The following CC2D2A variants were observed in gnomAD, a reference collection of about 807,000 sequenced individuals.
The protein encoded by CC2D2A is coiled-coil and C2 domain-containing protein 2A.
Under a neutral mutation model 212.9 loss-of-function variants are expected in CC2D2A, and 155 were observed. The ratio of observed to expected loss-of-function variants is 0.73; its 90% confidence interval spans 0.64 to 0.83. The LOEUF (loss-of-function observed/expected upper bound fraction) is 0.83. Among genes scored for constraint, CC2D2A ranks in the 40% least tolerant of loss-of-function variants. The pLI, the probability that CC2D2A is intolerant of heterozygous loss-of-function variation, is 0.00. For missense variants in CC2D2A, 1,856 were observed against 1,956.2 expected (o/e 0.95, Z 0.97); for synonymous variants, 667 against 686.5 (o/e 0.97, Z 0.44).
At chr4:15,529,176 G>A (rs185872849) in intron 13 of CC2D2A, among the ~76,000 whole-genome samples, 2 of 152,286 alleles carry the variant, frequency 1.3e-5, no homozygotes, top group Non-Finnish European at 2.9e-5. Flanking sequence ...GGATGCCAAG[G>A]TGAGGACAGT....
At position 15,502,505 on chromosome 4, in the gene CC2D2A, G is replaced by A; in HGVS notation, c.324G>A (p.Leu108=). The A allele has an allele frequency of 6.2e-7, 1 of 1,603,928 alleles. No homozygotes were observed. The change falls in exon 5 of 37, where the codon TTG becomes TTA. Residue 108 remains leucine (L), a synonymous_variant. Coordinates refer to ENST00000424120, the MANE Select transcript of CC2D2A (RefSeq NM_001378615.1). ...FSMRGRMREK[L]QAARSKAESA... Reference sequence around the variant, plus strand: ...TGAGGGGACGCATGAGGGAGAAATTGCAAGCAGCGAGGGTGAGAGAAACCA... The same window carrying A: ...TGAGGGGACGCATGAGGGAGAAATTACAAGCAGCGAGGGTGAGAGAAACCA...
chr4:15,558,989 TCTCAGAATCCTG>T (rs2109059923), intron 21 of CC2D2A, among the ~76,000 whole-genome samples, 164 bp from the exon 22 acceptor site: 1 of 152,210 alleles, frequency 6.6e-6, no homozygotes, highest in East Asian at 1.9e-4. Context: ...CAGCCACCTG[TCTCAGAATCCTG>T]GTTACTCTAT....
chr4:15,580,441 T>G (rs569843919), intron 30 of CC2D2A, among the ~76,000 whole-genome samples: 1 of 152,144 alleles, frequency 6.6e-6, no homozygotes, highest in South Asian at 2.1e-4. Flanking sequence ...AGTTTGACAC[T>G]AGCCTGGCCA....
Position 15,517,784 on chromosome 4 carries a change from A to T in CC2D2A, c.1149+1028A>T, listed in dbSNP as rs552113895. Among the ~76,000 whole-genome samples the T allele has an allele frequency of 1.1e-4, 16 of 152,362 alleles. No homozygotes were observed. In the South Asian group the frequency reaches 3.3e-3, roughly 32 times the overall value. ...CAAGACTGGGCAATTTACAAAAAAA[A>T]GAGGTTTAATGGACTTACAGTTCTA... On this transcript the variant is annotated intron_variant, in intron 11 of 36. Transcript: ENST00000424120.
At chr4:15,495,743 A>G (rs1272041529) in intron 4 of CC2D2A, among the ~76,000 whole-genome samples, 1 of 152,174 alleles carries the variant, frequency 6.6e-6, no homozygotes, top group African/African-American at 2.4e-5. Context: ...CTTTGTGTGT[A>G]TACCCAGTAA....
chr4:15,528,187 C>A (rs920342139), intron 12 of CC2D2A, among the ~76,000 whole-genome samples: 2 of 152,190 alleles, frequency 1.3e-5, no homozygotes, highest in African/African-American at 2.4e-5. Flanking sequence ...GACTTTAAAA[C>A]CTTACTGCCC....
At chr4:15,538,588 C>G (rs1199108508) in intron 16 of CC2D2A, among the ~76,000 whole-genome samples, 1 of 152,160 alleles carries the variant, frequency 6.6e-6, no homozygotes, top group East Asian at 1.9e-4. Flanking sequence ...CAGGGATCAG[C>G]TTTTCTCCTT....
At chr4:15,560,266 A>G (rs1445601579) in intron 22 of CC2D2A, among the ~76,000 whole-genome samples, 1 of 152,188 alleles carries the variant, frequency 6.6e-6, no homozygotes, top group Non-Finnish European at 1.5e-5. Context: ...AAATTTTGCC[A>G]TCTTATATGC....
intron 22 of CC2D2A, 40 bp from the exon 23 acceptor site, chr4:15,560,478 GAACTACGAAGTTT>G (rs1411073995): frequency 8.7e-6 from 8 of 918,730 alleles, no homozygotes; most frequent in Non-Finnish European, 1.4e-5. Flanking sequence ...TGTGGAGAGT[GAACTACGAAGTTT>G]AAATAATAAC....
At chr4:15,570,606 G>A in intron 28 of CC2D2A, 110 bp downstream of exon 28, 5 of 672,880 alleles carry the variant, frequency 7.4e-6, no homozygotes. Context: ...TGTAATCCCA[G>A]CACTTTGGGA....
intron 33 of CC2D2A, among the ~76,000 whole-genome samples, chr4:15,592,501 T>C (rs1486978730): frequency 6.6e-6 from 1 of 152,194 alleles, no homozygotes; most frequent in Non-Finnish European, 1.5e-5. Flanking sequence ...CTCCTCTCCT[T>C]TTCTGTCATT....
intron 30 of CC2D2A, among the ~76,000 whole-genome samples, chr4:15,585,367 A>G (rs1248953556): frequency 1.3e-5 from 2 of 152,350 alleles, no homozygotes; most frequent in African/African-American, 4.8e-5. Flanking sequence ...GCTGGTGGGC[A>G]TGTTAAGTGA....
chr4:15,591,279 G>A (rs1721095728), intron 33 of CC2D2A, among the ~76,000 whole-genome samples: 1 of 148,268 alleles, frequency 6.7e-6, no homozygotes, highest in Admixed American at 6.8e-5. Flanking sequence ...GAGTGCAACG[G>A]AGCGATCTCG....
In CC2D2A at chr4:15,553,260, T is replaced by C. The variant is rs369305472; in HGVS notation, c.2441T>C (p.Ile814Thr). Reference sequence around the variant, plus strand: ...GCATGGGCCATTGGAGAAAACGGGATACCTTTAATTCCTCCATTGTCACAG... The same window carrying C: ...GCATGGGCCATTGGAGAAAACGGGACACCTTTAATTCCTCCATTGTCACAG... ...SVAWAIGENG[I>T]PLIPPLSQQN... Residue 814 changes from isoleucine to threonine, a missense_variant, in exon 19 of 37, where the codon ATA becomes ACA. Ile to Thr is a moderately conservative substitution (Grantham distance 89). Around this residue, in one of 5 missense-constraint regions of CC2D2A, gnomAD observed 1,512 missense variants for 1,579.3 expected, o/e 0.96. Transcript: ENST00000424120. 4.3e-5 allele frequency: 70 copies of C among 1,613,358 alleles called. No individual in the cohort carries two copies. The East Asian group carries it at 6.7e-4, about 15-fold the overall frequency.
rs571905411 is a variant in CC2D2A at position 15,598,241 on chromosome 4, T to C, written c.4496+776T>C. Among the ~76,000 whole-genome samples the C allele has an allele frequency of 7.8e-3, 1,181 of 152,342 alleles. 4 individuals are homozygous for C. Among genetic ancestry groups the C allele is most frequent in the Non-Finnish European group, 0.012 (845 of 68,036 alleles). On this transcript the variant is annotated intron_variant, in intron 35 of 36. Coordinates refer to ENST00000424120, the MANE Select transcript of CC2D2A (RefSeq NM_001378615.1). ...AAATGCCTGACAATTCGTCCATACTTTCGTGCGCAGACCATCTTGAAATCC... is the reference window on the plus strand; with the variant it reads ...AAATGCCTGACAATTCGTCCATACTCTCGTGCGCAGACCATCTTGAAATCC...
intron 33 of CC2D2A, among the ~76,000 whole-genome samples, chr4:15,592,833 C>T (rs1472680412): frequency 1.3e-5 from 2 of 152,176 alleles, no homozygotes; most frequent in African/African-American, 4.8e-5. Flanking sequence ...CAAAATCTCA[C>T]ACAGCACATG....
chr4:15,564,631 C>T (rs1719799032), intron 24 of CC2D2A, among the ~76,000 whole-genome samples: 1 of 152,006 alleles, frequency 6.6e-6, no homozygotes, highest in African/African-American at 2.4e-5. Flanking sequence ...AGGTTCTTCC[C>T]CTTTAATTTA....
chr4:15,522,951 C>G (rs1717295573), intron 11 of CC2D2A, among the ~76,000 whole-genome samples: 2 of 148,948 alleles, frequency 1.3e-5, no homozygotes, highest in Admixed American at 6.7e-5. Flanking sequence ...AAACCCGTCT[C>G]TACTAAAAAT....
intron 4 of CC2D2A, among the ~76,000 whole-genome samples, chr4:15,482,520 G>T (rs1431577533): frequency 6.6e-6 from 1 of 152,038 alleles, no homozygotes; most frequent in Non-Finnish European, 1.5e-5. Context: ...TCTTCTCTGT[G>T]CCTGCACTGG....
Sources: allele counts gnomAD v4.1 joint callset (sites outside exome capture counted in the v4.1 genomes callset), GRCh38; gene constraint gnomAD v4.1.1; regional missense constraint gnomAD v4.1.1; transcripts MANE v1.5; gene names NCBI Gene and HGNC (gene_info 2026-07-23, HGNC 2026-07-21).